The following CSMD1 variants were observed in gnomAD, a reference collection of about 807,000 sequenced individuals.
The protein encoded by CSMD1 is CUB and Sushi multiple domains 1, also known as CUB and sushi domain-containing protein 1.
A neutral mutation model predicts 417.5 loss-of-function variants in CSMD1; 213 were observed. The observed-to-expected ratio is 0.51, with a 90% CI of 0.46 to 0.57. CSMD1 has a LOEUF of 0.57. CSMD1 is among the 20% of genes least tolerant of loss of function. CSMD1 has a pLI of 0.00. For missense variants in CSMD1, 6,923 were observed against 4,529.7 expected, an observed-to-expected ratio of 1.53 and a Z score of -15.17; for synonymous variants, 2,862 against 1,736.8, an observed-to-expected ratio of 1.65 and a Z score of -16.11.
rs561664809 is a variant in CSMD1, at chr8:4,440,805, G to A, written c.303-20740C>T. Reference sequence around the variant, plus strand: ...GAGGTCAGCAGTTCGGGACCAGCCTGGCTAACATGCTCAAACCTCCTCTCT... The same window carrying A: ...GAGGTCAGCAGTTCGGGACCAGCCTAGCTAACATGCTCAAACCTCCTCTCT... On this transcript the variant is annotated intron_variant, in intron 2 of 69. Coordinates refer to ENST00000635120, the MANE Select transcript of CSMD1 (RefSeq NM_033225.6). Among the ~76,000 whole-genome samples the A allele has an allele frequency of 1.7e-3, 253 of 152,104 alleles. 1 individual carries two copies. Among genetic ancestry groups the A allele is most frequent in the Non-Finnish European group, 2.6e-3 (174 of 68,000 alleles).
At chr8:4,779,647 C>G (rs10081548) in intron 1 of CSMD1, among the ~76,000 whole-genome samples, 11,659 of 152,186 alleles carry the variant, frequency 0.077, 502 homozygotes, top group Middle Eastern at 0.099. Context: ...GGCAAGCTGG[C>G]TTTAGCATTT....
At chr8:4,198,529 AAG>A in intron 3 of CSMD1, among the ~76,000 whole-genome samples, 1 of 152,312 alleles carries the variant, frequency 6.6e-6, no homozygotes, top group East Asian at 1.9e-4. Flanking sequence ...GGGGATGAGA[AAG>A]AAAGTGTCTA....
At chr8:4,455,671 C>A (rs1233585062) in intron 2 of CSMD1, among the ~76,000 whole-genome samples, 1 of 151,890 alleles carries the variant, frequency 6.6e-6, no homozygotes, top group Non-Finnish European at 1.5e-5. Context: ...TGGCTCACCC[C>A]TGTAATCTCA....
chr8:4,219,073 T>C (rs189224192), intron 3 of CSMD1, among the ~76,000 whole-genome samples: 13 of 152,290 alleles, frequency 8.5e-5, no homozygotes, highest in African/African-American at 3.1e-4. Context: ...CCGTCTACTC[T>C]ATCACTTTTC....
chr8:3,810,789 G>A (rs900379589), intron 5 of CSMD1, among the ~76,000 whole-genome samples: 4 of 152,104 alleles, frequency 2.6e-5, no homozygotes, highest in African/African-American at 9.7e-5. Context: ...ACTGGGTCCG[G>A]CACATCATCA....
At chr8:3,815,457 C>T (rs1316571879) in intron 5 of CSMD1, among the ~76,000 whole-genome samples, 1 of 151,982 alleles carries the variant, frequency 6.6e-6, no homozygotes, top group African/African-American at 2.4e-5. Flanking sequence ...GTGCCAGTCC[C>T]TCAGGTTTCT....
chr8:4,378,457 T>C (rs1190272544), intron 3 of CSMD1, among the ~76,000 whole-genome samples: 1 of 152,212 alleles, frequency 6.6e-6, no homozygotes, highest in Admixed American at 6.5e-5. Flanking sequence ...ATTCTCTGTC[T>C]AGCACTCTGT....
intron 49 of CSMD1, among the ~76,000 whole-genome samples, chr8:3,081,361 A>G (rs1323113627): frequency 1.3e-5 from 2 of 152,218 alleles, no homozygotes; most frequent in Non-Finnish European, 2.9e-5. Context: ...TTGAGAAAAA[A>G]ATAGAATGTC....
chr8:3,563,932 T>C (rs547608047), intron 10 of CSMD1, among the ~76,000 whole-genome samples: 3 of 152,266 alleles, frequency 2.0e-5, no homozygotes, highest in Admixed American at 6.5e-5. Context: ...TTTTTAAACC[T>C]ATTTTTCATG....
intron 49 of CSMD1, among the ~76,000 whole-genome samples, chr8:3,071,324 G>C (rs1440058399): frequency 6.6e-6 from 1 of 152,136 alleles, no homozygotes; most frequent in African/African-American, 2.4e-5. Context: ...ACACAGGGAA[G>C]GGAACATCAC....
intron 1 of CSMD1, among the ~76,000 whole-genome samples, chr8:4,744,121 G>A (rs888666377): frequency 2.0e-5 from 3 of 152,178 alleles, no homozygotes; most frequent in Non-Finnish European, 4.4e-5. Flanking sequence ...CTAATACGCA[G>A]AGGTGCTCAG....
At chr8:3,456,996 G>A (rs998338190) in intron 12 of CSMD1, among the ~76,000 whole-genome samples, 2 of 151,094 alleles carry the variant, frequency 1.3e-5, no homozygotes. Context: ...CCCTCATTTT[G>A]TACTCCTTCC....
intron 10 of CSMD1, among the ~76,000 whole-genome samples, chr8:3,517,696 G>T (rs145316619): frequency 6.6e-6 from 1 of 152,098 alleles, no homozygotes; most frequent in East Asian, 1.9e-4. Context: ...AGACACAAAC[G>T]AATTCAGTCA....
At chr8:4,711,755 T>C (rs1808313725) in intron 1 of CSMD1, among the ~76,000 whole-genome samples, 1 of 152,180 alleles carries the variant, frequency 6.6e-6, no homozygotes, top group South Asian at 2.1e-4. Flanking sequence ...TGTGTTTATG[T>C]AGTTTTTGTT....
At chr8:4,083,713 C>T (rs574407422) in intron 3 of CSMD1, among the ~76,000 whole-genome samples, 195 of 152,210 alleles carry the variant, frequency 1.3e-3, no homozygotes, top group African/African-American at 4.3e-3. Context: ...AAGACTTAAA[C>T]GTTAGACCTA....
chr8:4,278,419 T>C (rs909892168), intron 3 of CSMD1, among the ~76,000 whole-genome samples: 12 of 152,214 alleles, frequency 7.9e-5, no homozygotes, highest in Non-Finnish European at 1.5e-4. Context: ...AGCCACATGA[T>C]ACAATTACAT....
intron 23 of CSMD1, among the ~76,000 whole-genome samples, chr8:3,318,214 T>A (rs1312555964): frequency 6.6e-6 from 1 of 152,244 alleles, no homozygotes; most frequent in African/African-American, 2.4e-5. Context: ...ATATCTTTCA[T>A]AGTATAACTT....
intron 3 of CSMD1, among the ~76,000 whole-genome samples, chr8:4,302,952 A>G (rs1050462154): frequency 6.6e-6 from 1 of 152,100 alleles, no homozygotes; most frequent in African/African-American, 2.4e-5. Context: ...CCCTTTATGC[A>G]TGAAACTGTG....
intron 2 of CSMD1, among the ~76,000 whole-genome samples, 187 bp downstream of exon 2, chr8:4,637,155 G>A (rs1003450595): frequency 1.3e-5 from 2 of 152,068 alleles, no homozygotes; most frequent in African/African-American, 4.8e-5. Flanking sequence ...TTGTTTCCCT[G>A]CCATCTTTAA....
Sources: allele counts gnomAD v4.1 joint callset (sites outside exome capture counted in the v4.1 genomes callset), GRCh38; gene constraint gnomAD v4.1.1; transcripts MANE v1.5; gene names NCBI Gene and HGNC (gene_info 2026-07-23, HGNC 2026-07-21).